Variants in SEC14L1 observed in about 807,000 individuals in gnomAD.
The protein encoded by SEC14L1 is SEC14 like lipid binding 1, also known as SEC14-like protein 1.
Under a neutral mutation model 85.3 loss-of-function variants are expected in SEC14L1, and 48 were observed. The observed-to-expected ratio is 0.56, with a 90% CI of 0.45 to 0.72. The LOEUF (loss-of-function observed/expected upper bound fraction) is 0.72. Among genes scored for constraint, SEC14L1 ranks in the 30% least tolerant of loss-of-function variants. The probability of loss-of-function intolerance (pLI) is 0.00; values close to 1 mark genes in which losing one functional copy is unlikely to be tolerated. For synonymous variants in SEC14L1, 391 were observed against 355.5 expected, an observed-to-expected ratio of 1.10 and a Z score of -1.12; for missense variants, 682 against 921.4, an observed-to-expected ratio of 0.74 and a Z score of 3.36.
At chr17:77,205,217 A>AC in intron 10 of SEC14L1, 59 bp from the exon 11 acceptor site, 1 of 1,414,110 alleles carries the variant, frequency 7.1e-7, no homozygotes, top group South Asian at 1.2e-5. Flanking sequence ...CCATAGCTGG[A>AC]CGCGGTAGTT....
intron 3 of SEC14L1, among the ~76,000 whole-genome samples, chr17:77,174,877 G>C (rs1974681184): frequency 6.6e-6 from 1 of 152,258 alleles, no homozygotes; most frequent in African/African-American, 2.4e-5. Flanking sequence ...AAGGAGGGAA[G>C]GGGTTTTTAT....
intron 6 of SEC14L1, 88 bp from the exon 7 acceptor site, chr17:77,194,589 T>C (rs1975707112): frequency 1.0e-6 from 1 of 987,486 alleles, no homozygotes; most frequent in Non-Finnish European, 1.5e-6. Context: ...CCATCTTCCG[T>C]TGGCTAGAAA....
At chr17:77,102,380 A>G (rs1971798435) in intron 3 of SEC14L1, among the ~76,000 whole-genome samples, 1 of 152,246 alleles carries the variant, frequency 6.6e-6, no homozygotes, top group Non-Finnish European at 1.5e-5. Flanking sequence ...AGTTGGGGGA[A>G]ACTGGCAGGA....
chr17:77,179,043 T>C (rs1409289039), intron 3 of SEC14L1, among the ~76,000 whole-genome samples: 1 of 152,140 alleles, frequency 6.6e-6, no homozygotes, highest in Non-Finnish European at 1.5e-5. Context: ...GAAGTTTCTT[T>C]CTCCTGTCCT....
At chr17:77,209,587 C>T (rs1302709673) in intron 14 of SEC14L1, 111 bp downstream of exon 14, 2 of 1,179,288 alleles carry the variant, frequency 1.7e-6, no homozygotes, top group Non-Finnish European at 2.3e-6. Flanking sequence ...CGTTTTTCTG[C>T]TCTTTGTCTT....
At chr17:77,166,053 T>G (rs1459249306) in intron 3 of SEC14L1, among the ~76,000 whole-genome samples, 1 of 152,228 alleles carries the variant, frequency 6.6e-6, no homozygotes, top group Non-Finnish European at 1.5e-5. Flanking sequence ...AGTGTCTTCC[T>G]CCTTGAGAGG....
chr17:77,148,646 T>C (rs1280821913), intron 3 of SEC14L1, among the ~76,000 whole-genome samples: 1 of 151,848 alleles, frequency 6.6e-6, no homozygotes, highest in Non-Finnish European at 1.5e-5. Context: ...GGCACCTGGT[T>C]CTGTCCCTGT....
At chr17:77,148,540 A>G (rs1973414503) in intron 3 of SEC14L1, among the ~76,000 whole-genome samples, 1 of 151,888 alleles carries the variant, frequency 6.6e-6, no homozygotes, top group Non-Finnish European at 1.5e-5. Flanking sequence ...TCCCAGTTTC[A>G]CTGTGCCCTA....
rs1399545165 is a variant in SEC14L1, at chr17:77,207,324, G to C, written c.1476+462G>C. 4.7e-5 allele frequency among the ~76,000 whole-genome samples: 7 copies of C among 150,522 alleles called. No individual in the cohort carries two copies. In the East Asian group the frequency reaches 1.4e-3, roughly 30 times the overall value. Reference sequence around the variant, plus strand: ...TCACAGCTCAGCAGCCTGACTTGGTGGGCTCAGGTGATCCTCCCACCTCAG... The same window carrying C: ...TCACAGCTCAGCAGCCTGACTTGGTCGGCTCAGGTGATCCTCCCACCTCAG... On this transcript the variant is annotated intron_variant, in intron 13 of 16. Coordinates refer to ENST00000436233, the MANE Select transcript of SEC14L1 (RefSeq NM_001143998.2).
intron 3 of SEC14L1, among the ~76,000 whole-genome samples, chr17:77,171,559 G>A (rs1188545835): frequency 2.0e-5 from 3 of 152,206 alleles, no homozygotes; most frequent in Non-Finnish European, 4.4e-5. Context: ...TCTAATACTT[G>A]AATTATTATG....
chr17:77,171,058 T>C (rs1974502812), intron 3 of SEC14L1, among the ~76,000 whole-genome samples: 1 of 152,250 alleles, frequency 6.6e-6, no homozygotes, highest in Admixed American at 6.5e-5. Context: ...TTTTTTGGAA[T>C]GGCGTTAACC....
chr17:77,187,096 G>A (rs150796294), intron 3 of SEC14L1, among the ~76,000 whole-genome samples: 405 of 152,244 alleles, frequency 2.7e-3, no homozygotes, highest in Admixed American at 4.9e-3. Context: ...GAGCATTTTG[G>A]ATTTCAGATC....
chr17:77,200,990 C>G (rs1976109721), intron 9 of SEC14L1, among the ~76,000 whole-genome samples: 1 of 152,232 alleles, frequency 6.6e-6, no homozygotes, highest in Non-Finnish European at 1.5e-5. Flanking sequence ...ACAGCAGTGC[C>G]TCTGGCAGAG....
At chr17:77,207,473 A>G (rs1481210817) in intron 13 of SEC14L1, among the ~76,000 whole-genome samples, 3 of 151,404 alleles carry the variant, frequency 2.0e-5, no homozygotes, top group Non-Finnish European at 4.4e-5. Flanking sequence ...TCTTCTTGAG[A>G]TGGAGTCTTG....
intron 8 of SEC14L1, among the ~76,000 whole-genome samples, chr17:77,199,949 G>T (rs796835465): frequency 7.2e-5 from 11 of 152,300 alleles, no homozygotes; most frequent in African/African-American, 2.6e-4. Context: ...CAGGAGGATT[G>T]CTTGAGCTCA....
chr17:77,131,550 G>A (rs747789677), intron 3 of SEC14L1, among the ~76,000 whole-genome samples: 9 of 152,316 alleles, frequency 5.9e-5, no homozygotes, highest in South Asian at 2.1e-4. Context: ...GATTACAGGC[G>A]TGAGCCACCA....
Position 77,214,125 on chromosome 17 carries a change from C to A in SEC14L1, c.*102C>A. The A allele has an allele frequency of 6.6e-7, 1 of 1,504,640 alleles. No homozygotes were observed. The allele number at this position is 1,504,640 out of a possible 1,614,324, so 93.2% of individuals were successfully genotyped here. ...GCGGCGACATTGTACAGACTCCTCT[C>A]ACCTCTAGATAGCAAATAGCTCTCA... On this transcript the variant is annotated 3_prime_UTR_variant, in exon 17 of 17. Transcript: ENST00000436233.
rs1051041729 is a variant in SEC14L1, at chr17:77,214,774, TG to T, written c.*758del. The T allele has an allele frequency of 1.9e-5, 19 of 985,414 alleles. No individual in the cohort carries two copies. In the African/African-American group the frequency reaches 2.8e-4, roughly 14 times the overall value. The allele number at this position is 985,414 out of a possible 1,614,324, so 61.0% of individuals were successfully genotyped here. ...GGATTTTTCTGTATGTGAACTTGGG[TG>T]GGGGGGTTCTTCCCGTTTCCTTCCG... On this transcript the variant is annotated 3_prime_UTR_variant, in exon 17 of 17. Coordinates refer to ENST00000436233, the MANE Select transcript of SEC14L1 (RefSeq NM_001143998.2).
At chr17:77,126,332 G>A (rs1324045805) in intron 3 of SEC14L1, among the ~76,000 whole-genome samples, 2 of 152,190 alleles carry the variant, frequency 1.3e-5, no homozygotes, top group African/African-American at 4.8e-5. Context: ...CACAGGGCCT[G>A]GGCCTGATAC....
Sources: allele counts gnomAD v4.1 joint callset (sites outside exome capture counted in the v4.1 genomes callset), GRCh38; gene constraint gnomAD v4.1.1; transcripts MANE v1.5; gene names NCBI Gene and HGNC (gene_info 2026-07-23, HGNC 2026-07-21).